ANP32A: variants seen among roughly 807,000 people sequenced by gnomAD.
ANP32A encodes acidic leucine-rich nuclear phosphoprotein 32 family member A.
In ANP32A, 1 loss-of-function variant was observed where a neutral mutation model predicts 33.9. That is an observed-to-expected ratio of 0.03 (90% confidence interval 0.01 to 0.14). ANP32A has a LOEUF of 0.14. Among genes scored for constraint, ANP32A ranks in the 10% least tolerant of loss-of-function variants. The pLI is 1.00. For missense variants in ANP32A, 155 were observed against 306.0 expected (o/e 0.51, Z 3.68); for synonymous variants, 115 against 120.5 (o/e 0.95, Z 0.30).
intron 1 of ANP32A, among the ~76,000 whole-genome samples, chr15:68,815,242 C>A (rs1894364509): frequency 6.6e-6 from 1 of 152,212 alleles, no homozygotes; most frequent in Admixed American, 6.5e-5. Flanking sequence ...ACCCTCCAAT[C>A]TACTGAACCA....
At chr15:68,783,824 G>A (rs1007520541) in intron 4 of ANP32A, among the ~76,000 whole-genome samples, 2 of 152,134 alleles carry the variant, frequency 1.3e-5, no homozygotes, top group South Asian at 2.1e-4. Flanking sequence ...TGGGGCTCCT[G>A]AGCACCTGAG....
In ANP32A at chr15:68,779,649, T is replaced by C. The variant is rs1031736736; in HGVS notation, c.*432A>G. On this transcript the variant is annotated 3_prime_UTR_variant, in exon 7 of 7. Coordinates refer to ENST00000465139, the MANE Select transcript of ANP32A (RefSeq NM_006305.4). ...ATCATGTGAACCAAAGCAAAAGATA[T>C]GGCTGGTGCTCAGCCCCTCCTGGGC... The C allele has an allele frequency of 7.9e-5, 13 of 163,566 alleles. No homozygotes were observed. The highest frequency in any genetic ancestry group is 9.3e-5 in the Non-Finnish European group (7 of 75,236). The allele number at this position is 163,566 out of a possible 1,614,324, so 10.1% of individuals were successfully genotyped here.
intron 1 of ANP32A, 120 bp from the exon 2 acceptor site, chr15:68,788,039 C>T: frequency 1.6e-6 from 2 of 1,242,438 alleles, no homozygotes; most frequent in Non-Finnish European, 2.3e-6. Flanking sequence ...GTCACTCCGT[C>T]ACTTCTTCTA....
chr15:68,802,098 G>A (rs1241347032), intron 1 of ANP32A, among the ~76,000 whole-genome samples: 1 of 152,198 alleles, frequency 6.6e-6, no homozygotes, highest in Non-Finnish European at 1.5e-5. Flanking sequence ...TCACCATACG[G>A]ATAGGGAGGC....
intron 1 of ANP32A, chr15:68,791,517 T>A (rs2140362638): frequency 6.5e-6 from 1 of 152,784 alleles, no homozygotes; most frequent in South Asian, 2.1e-4. Flanking sequence ...TGGTTACACA[T>A]CCTTAGCAAC....
intron 1 of ANP32A, chr15:68,801,950 CAGGCTACCAACGGA>C (rs1479990002): frequency 6.5e-6 from 1 of 154,194 alleles, no homozygotes; most frequent in Non-Finnish European, 1.5e-5. Flanking sequence ...AGGGCCAGGC[CAGGCTACCAACGGA>C]AGGGACTGCA....
Position 68,783,001 on chromosome 15 carries a change from ATCCTCGTCC to A in ANP32A, c.570_578del (p.Glu190_Glu192del). The A allele has an allele frequency of 6.4e-7, 1 of 1,551,006 alleles. No homozygotes were observed. The highest frequency in any genetic ancestry group is 8.7e-7 in the Non-Finnish European group (1 of 1,146,364). On this transcript the variant is annotated inframe_deletion, in exon 5 of 7. Transcript: ENST00000465139. The stretch of plus-strand genomic sequence containing the variant: ...CCTCCTCTTCACCTTCCTCCTCCTC[ATCCTCGTCC>A]TCCTCGTCTTCCACTACCTGAGCAT...
At chr15:68,782,221 TGGA>T (rs1248207014) in intron 5 of ANP32A, among the ~76,000 whole-genome samples, 1 of 152,236 alleles carries the variant, frequency 6.6e-6, no homozygotes, top group Non-Finnish European at 1.5e-5. Context: ...GCCAGGAACC[TGGA>T]GGAGGGTGTG....
chr15:68,780,201 C>A lies in ANP32A; in HGVS notation c.689-59G>T. 2 of 1,603,080 alleles carry A rather than the reference C, an allele frequency of 1.2e-6. No homozygotes were observed. Among genetic ancestry groups the A allele is most frequent in the Non-Finnish European group, 1.7e-6 (2 of 1,173,370 alleles). ...TATTAATCCCACCTCTTTAACTCAACCCACCCAGTGAGAAGTCAGGGGACC... is the reference window on the plus strand; with the variant it reads ...TATTAATCCCACCTCTTTAACTCAAACCACCCAGTGAGAAGTCAGGGGACC... On this transcript the variant is annotated intron_variant, in intron 6 of 6. Coordinates refer to ENST00000465139, the MANE Select transcript of ANP32A (RefSeq NM_006305.4). This position sits in a 1 kb window ranked among gnomAD's most constrained non-coding sequence, Gnocchi z 4.3.
chr15:68,784,145 A>T, intron 4 of ANP32A: 1 of 558,840 alleles, frequency 1.8e-6, no homozygotes, highest in Non-Finnish European at 3.2e-6. Flanking sequence ...TATTTCCATG[A>T]GCATGGGACT....
chr15:68,783,275 T>C (rs1893892793), intron 4 of ANP32A, among the ~76,000 whole-genome samples: 1 of 152,146 alleles, frequency 6.6e-6, no homozygotes, highest in Admixed American at 6.5e-5. Flanking sequence ...ACAAGTGTTA[T>C]GCATGTGAAA....
chr15:68,813,736 C>T (rs1402223340), intron 1 of ANP32A, among the ~76,000 whole-genome samples: 2 of 152,178 alleles, frequency 1.3e-5, no homozygotes, highest in Admixed American at 6.5e-5. Flanking sequence ...AGAATTCAGG[C>T]CAGACAATTG....
intron 1 of ANP32A, among the ~76,000 whole-genome samples, chr15:68,814,503 C>A (rs1008274414): frequency 5.3e-5 from 8 of 151,494 alleles, no homozygotes; most frequent in Non-Finnish European, 1.2e-4. Flanking sequence ...GAGTAAGCCA[C>A]CTTGAGAGGC....
chr15:68,792,667 A>G (rs1383879423), intron 1 of ANP32A, among the ~76,000 whole-genome samples: 2 of 152,092 alleles, frequency 1.3e-5, no homozygotes, highest in Admixed American at 1.3e-4. Flanking sequence ...TGTCACCTCG[A>G]GTCACTTCAA....
intron 1 of ANP32A, among the ~76,000 whole-genome samples, chr15:68,796,351 G>T (rs888849690): frequency 6.6e-5 from 10 of 151,708 alleles, no homozygotes; most frequent in African/African-American, 2.4e-4. Context: ...AAAGTGCTGG[G>T]ATTACAGGCG....
At chr15:68,783,268 A>G (rs1466805915) in intron 4 of ANP32A, among the ~76,000 whole-genome samples, 4 of 152,108 alleles carry the variant, frequency 2.6e-5, no homozygotes, top group Non-Finnish European at 4.4e-5. Context: ...CCCCCTCACA[A>G]GTGTTATGCA....
At chr15:68,784,150 G>C in intron 4 of ANP32A, 1 of 573,118 alleles carries the variant, frequency 1.7e-6, no homozygotes, top group Non-Finnish European at 3.1e-6. Context: ...CCATGAGCAT[G>C]GGACTCATGC....
At chr15:68,811,827 C>T (rs1894316309) in intron 1 of ANP32A, among the ~76,000 whole-genome samples, 1 of 152,156 alleles carries the variant, frequency 6.6e-6, no homozygotes, top group African/African-American at 2.4e-5. Context: ...ACCTCCGTCT[C>T]CCAGGTTCAA....
In ANP32A at chr15:68,780,331, G is replaced by C. The variant is rs1213866616; in HGVS notation, c.688+79C>G. 2.5e-6 allele frequency: 4 copies of C among 1,607,434 alleles called. No individual in the cohort carries two copies. The highest frequency in any genetic ancestry group is 3.4e-6 in the Non-Finnish European group (4 of 1,176,778). On this transcript the variant is annotated intron_variant, in intron 6 of 6. Coordinates refer to ENST00000465139, the MANE Select transcript of ANP32A (RefSeq NM_006305.4). This position sits in a 1 kb window ranked among gnomAD's most constrained non-coding sequence, Gnocchi z 4.3. ...CAGGAGTGTCCTGCCCACTGCCAGGGGCCTCTGAGTCTAAGCAATCTAAGG... is the reference window on the plus strand; with the variant it reads ...CAGGAGTGTCCTGCCCACTGCCAGGCGCCTCTGAGTCTAAGCAATCTAAGG...
Sources: allele counts gnomAD v4.1 joint callset (sites outside exome capture counted in the v4.1 genomes callset), GRCh38; gene constraint gnomAD v4.1.1; non-coding constraint Gnocchi (gnomAD v3.1); transcripts MANE v1.5; gene names NCBI Gene and HGNC (gene_info 2026-07-23, HGNC 2026-07-21).